Variants in L3MBTL4 observed in about 807,000 individuals in gnomAD.
L3MBTL4 encodes lethal(3)malignant brain tumor-like protein 4.
In L3MBTL4, 70 loss-of-function variants were observed where a neutral mutation model predicts 84.5. The observed-to-expected ratio is 0.83, with a 90% CI of 0.68 to 1.01. The LOEUF is 1.01. Among genes scored for constraint, L3MBTL4 ranks in the 50% least tolerant of loss-of-function variants. The pLI is 0.00. For missense variants in L3MBTL4, 715 were observed against 754.8 expected (o/e 0.95, Z 0.62); for synonymous variants, 274 against 259.8 (o/e 1.05, Z -0.52).
chr18:6,105,993 T>C (rs1377368677), intron 14 of L3MBTL4, among the ~76,000 whole-genome samples: 1 of 152,204 alleles, frequency 6.6e-6, no homozygotes, highest in African/African-American at 2.4e-5. Flanking sequence ...CTATACATGA[T>C]ACCCTGAATT....
At chr18:5,989,991 C>T (rs944108504) in intron 16 of L3MBTL4, among the ~76,000 whole-genome samples, 1 of 152,158 alleles carries the variant, frequency 6.6e-6, no homozygotes, top group African/African-American at 2.4e-5. Context: ...AACCAGGTGA[C>T]AGGTGGCGTG....
intron 15 of L3MBTL4, among the ~76,000 whole-genome samples, chr18:6,091,183 T>C (rs891889807): frequency 2.0e-5 from 3 of 152,216 alleles, no homozygotes; most frequent in Non-Finnish European, 4.4e-5. Flanking sequence ...ATGTTTTATC[T>C]GTACATAATT....
chr18:6,352,625 C>A (rs1568540662), intron 1 of L3MBTL4, among the ~76,000 whole-genome samples: 1 of 152,184 alleles, frequency 6.6e-6, no homozygotes, highest in African/African-American at 2.4e-5. Flanking sequence ...TTCTCCAAGG[C>A]AGAGGCCAGA....
At chr18:6,029,467 G>A (rs1196022457) in intron 16 of L3MBTL4, 1 of 973,204 alleles carries the variant, frequency 1.0e-6, no homozygotes, top group Non-Finnish European at 1.2e-6. Flanking sequence ...GATTACAGTG[G>A]CAGGATTAAA....
intron 16 of L3MBTL4, among the ~76,000 whole-genome samples, chr18:6,026,086 G>T (rs542053142): frequency 6.6e-6 from 1 of 152,204 alleles, no homozygotes. Context: ...ATCATGATAC[G>T]ACTGACTTCT....
At chr18:6,018,474 G>A (rs190620076) in intron 16 of L3MBTL4, among the ~76,000 whole-genome samples, 80 of 152,182 alleles carry the variant, frequency 5.3e-4, no homozygotes, top group Admixed American at 3.0e-3. Flanking sequence ...TCCTACCCAC[G>A]GAAAGCCTGG....
chr18:5,975,439 T>G (rs2052868537), intron 16 of L3MBTL4, among the ~76,000 whole-genome samples: 1 of 152,180 alleles, frequency 6.6e-6, no homozygotes, highest in Admixed American at 6.5e-5. Context: ...TCCCATCAAT[T>G]TATCTGGCAC....
intron 1 of L3MBTL4, chr18:6,397,157 A>G (rs2055306531): frequency 6.6e-6 from 1 of 152,240 alleles, no homozygotes; most frequent in Admixed American, 6.5e-5. Context: ...AGAAGGACCA[A>G]AGCACAGAGC....
chr18:6,060,709 T>C (rs1304056777), intron 16 of L3MBTL4, among the ~76,000 whole-genome samples: 3 of 152,196 alleles, frequency 2.0e-5, no homozygotes, highest in Non-Finnish European at 2.9e-5. Context: ...TGTAGCTTTG[T>C]CTTTTACAAA....
At chr18:6,064,403 T>C (rs1349756988) in intron 16 of L3MBTL4, among the ~76,000 whole-genome samples, 1 of 152,102 alleles carries the variant, frequency 6.6e-6, no homozygotes, top group East Asian at 1.9e-4. Context: ...AGAATGATGA[T>C]GGTATTTTGA....
chr18:6,317,289 G>T (rs1050390014), intron 1 of L3MBTL4, among the ~76,000 whole-genome samples: 2 of 151,784 alleles, frequency 1.3e-5, no homozygotes, highest in African/African-American at 2.4e-5. Flanking sequence ...AATTCAAAAG[G>T]TTGATTACTA....
At chr18:6,330,552 G>T (rs2051978055) in intron 1 of L3MBTL4, among the ~76,000 whole-genome samples, 1 of 152,162 alleles carries the variant, frequency 6.6e-6, no homozygotes, top group African/African-American at 2.4e-5. Context: ...AATTACATGG[G>T]TCCGCCTGAA....
chr18:6,114,613 C>A (rs2059302170), intron 14 of L3MBTL4, among the ~76,000 whole-genome samples: 1 of 152,172 alleles, frequency 6.6e-6, no homozygotes, highest in African/African-American at 2.4e-5. Context: ...TCAAGAATAT[C>A]AATGAAGCAA....
At chr18:6,205,349 A>G (rs1217148639) in intron 12 of L3MBTL4, among the ~76,000 whole-genome samples, 1 of 152,224 alleles carries the variant, frequency 6.6e-6, no homozygotes, top group Non-Finnish European at 1.5e-5. Flanking sequence ...GGACACCTTC[A>G]TTTTAGACCA....
chr18:5,978,545 G>T (rs1354619285), intron 16 of L3MBTL4, among the ~76,000 whole-genome samples: 1 of 152,122 alleles, frequency 6.6e-6, no homozygotes, highest in East Asian at 1.9e-4. Context: ...GACTGGAGTG[G>T]CTCTTATTTT....
At chr18:5,993,881 T>TA (rs988537232) in intron 16 of L3MBTL4, among the ~76,000 whole-genome samples, 14 of 151,960 alleles carry the variant, frequency 9.2e-5, no homozygotes, top group South Asian at 2.1e-4. Flanking sequence ...TGGGTAAAGT[T>TA]AAAAAAAATA....
At chr18:6,168,035 GACAA>G (rs1325788112) in intron 13 of L3MBTL4, among the ~76,000 whole-genome samples, 5 of 152,070 alleles carry the variant, frequency 3.3e-5, no homozygotes, top group African/African-American at 9.7e-5. Flanking sequence ...ACCAATAACA[GACAA>G]ACAGAGAGCC....
intron 1 of L3MBTL4, among the ~76,000 whole-genome samples, chr18:6,387,459 G>A (rs1438648138): frequency 1.3e-5 from 2 of 151,862 alleles, no homozygotes; most frequent in African/African-American, 4.8e-5. Flanking sequence ...GGAAAACACT[G>A]CCTAAATATC....
At chr18:6,292,427 G>T (rs998614207) in intron 4 of L3MBTL4, among the ~76,000 whole-genome samples, 1 of 152,150 alleles carries the variant, frequency 6.6e-6, no homozygotes, top group Admixed American at 6.5e-5. Flanking sequence ...ACCTGGAGAT[G>T]ACTGCCGATG....
Sources: allele counts gnomAD v4.1 joint callset (sites outside exome capture counted in the v4.1 genomes callset), GRCh38; gene constraint gnomAD v4.1.1; transcripts MANE v1.5; gene names NCBI Gene and HGNC (gene_info 2026-07-23, HGNC 2026-07-21).